Variants in SOX6 observed in about 807,000 individuals in gnomAD.
The protein encoded by SOX6 is SRY-box transcription factor 6, also known as transcription factor SOX-6.
In SOX6, 11 loss-of-function variants were observed where a neutral mutation model predicts 97.8. That is an observed-to-expected ratio of 0.11 (90% CI 0.07 to 0.19). The LOEUF (loss-of-function observed/expected upper bound fraction) is 0.19, where lower values mean the gene tolerates loss of function less well. Among genes scored for constraint, SOX6 ranks in the 10% least tolerant of loss-of-function variants. The pLI is 1.00. For synonymous variants in SOX6, 360 were observed against 371.4 expected (o/e 0.97, Z 0.35); for missense variants, 810 against 1,039.5 (o/e 0.78, Z 3.04).
chr11:16,333,105 T>C (rs772434861), intron 2 of SOX6, among the ~76,000 whole-genome samples: 2 of 152,162 alleles, frequency 1.3e-5, no homozygotes, highest in Non-Finnish European at 2.9e-5. Context: ...GGATTCATTA[T>C]ATTAAAGTTG....
At chr11:16,541,911 C>A (rs994345612) in intron 4 of SOX6, among the ~76,000 whole-genome samples, 3 of 152,172 alleles carry the variant, frequency 2.0e-5, no homozygotes, top group Non-Finnish European at 4.4e-5. Flanking sequence ...TGTGACGATT[C>A]CTCAAGGATC....
chr11:16,420,688 G>A (rs1466666798), intron 1 of SOX6, among the ~76,000 whole-genome samples: 1 of 152,134 alleles, frequency 6.6e-6, no homozygotes, highest in Non-Finnish European at 1.5e-5. Context: ...ACTAAGTTGG[G>A]TGAAAACTTA....
intron 3 of SOX6, chr11:16,646,359 TTG>T (rs1399431755): frequency 3.9e-5 from 6 of 152,178 alleles, no homozygotes; most frequent in Admixed American, 3.9e-4. Flanking sequence ...ATATAATATG[TTG>T]TGTTTATTCT....
At chr11:16,145,573 A>G (rs1389413185) in intron 6 of SOX6, among the ~76,000 whole-genome samples, 1 of 152,224 alleles carries the variant, frequency 6.6e-6, no homozygotes, top group African/African-American at 2.4e-5. Context: ...GTCTGTTTGT[A>G]GATGACCTGA....
At chr11:16,601,480 T>C (rs567254918) in intron 4 of SOX6, among the ~76,000 whole-genome samples, 1 of 152,314 alleles carries the variant, frequency 6.6e-6, no homozygotes, top group Non-Finnish European at 1.5e-5. Context: ...TACTATTCTA[T>C]ACTTTCATAG....
intron 12 of SOX6, among the ~76,000 whole-genome samples, chr11:16,039,091 T>A (rs75342145): frequency 6.6e-6 from 1 of 152,116 alleles, no homozygotes; most frequent in Non-Finnish European, 1.5e-5. Context: ...TAGGTAAATA[T>A]GTATGACAAG....
intron 4 of SOX6, among the ~76,000 whole-genome samples, chr11:16,584,618 G>T (rs1197543175): frequency 6.6e-6 from 1 of 152,140 alleles, no homozygotes; most frequent in Non-Finnish European, 1.5e-5. Context: ...GCAAACCTGG[G>T]TTCAACTCCT....
chr11:16,098,676 A>C (rs865789606), intron 7 of SOX6, among the ~76,000 whole-genome samples: 3 of 152,008 alleles, frequency 2.0e-5, no homozygotes, highest in South Asian at 2.1e-4. Context: ...ATTTAAAGTC[A>C]GCGTTATGTA....
intron 6 of SOX6, among the ~76,000 whole-genome samples, chr11:16,145,302 C>G (rs1218640017): frequency 2.0e-5 from 3 of 152,198 alleles, no homozygotes; most frequent in South Asian, 2.1e-4. Context: ...ATTCAACAGC[C>G]CTTCATGCTA....
At chr11:16,470,913 T>C (rs923619074) in intron 1 of SOX6, among the ~76,000 whole-genome samples, 5 of 152,126 alleles carry the variant, frequency 3.3e-5, no homozygotes, top group African/African-American at 1.2e-4. Context: ...AGTTAGGCAA[T>C]AATCACTTTT....
At chr11:16,738,394 T>C (rs778829292) in intron 1 of SOX6, 2 of 273,296 alleles carry the variant, frequency 7.3e-6, no homozygotes, top group East Asian at 1.5e-4. Flanking sequence ...AGCCTCCTCC[T>C]GTGGCGACAA....
intron 4 of SOX6, among the ~76,000 whole-genome samples, chr11:16,521,245 G>A (rs910328318): frequency 3.9e-5 from 6 of 152,088 alleles, no homozygotes; most frequent in East Asian, 1.9e-4. Context: ...AGGGGCAGAC[G>A]GACACCTCAC....
At chr11:16,030,559 T>C (rs897738130) in intron 12 of SOX6, among the ~76,000 whole-genome samples, 3 of 152,122 alleles carry the variant, frequency 2.0e-5, no homozygotes, top group African/African-American at 4.8e-5. Context: ...CCTTTTAAAA[T>C]TATATAAACT....
At chr11:16,650,492 C>T (rs1478882020) in intron 3 of SOX6, among the ~76,000 whole-genome samples, 1 of 152,024 alleles carries the variant, frequency 6.6e-6, no homozygotes, top group Non-Finnish European at 1.5e-5. Flanking sequence ...ACCACCCAAA[C>T]ACATGGATAT....
At chr11:16,651,111 T>C (rs1295976628) in intron 3 of SOX6, among the ~76,000 whole-genome samples, 6 of 151,618 alleles carry the variant, frequency 4.0e-5, no homozygotes, top group Non-Finnish European at 7.4e-5. Context: ...AACAGCGAGA[T>C]TAAAAGAGTA....
At chr11:16,032,981 G>A (rs1291311103) in intron 12 of SOX6, among the ~76,000 whole-genome samples, 5 of 152,052 alleles carry the variant, frequency 3.3e-5, no homozygotes, top group African/African-American at 7.3e-5. Flanking sequence ...TTAGCCTTAC[G>A]ACACTTTTCA....
At chr11:16,685,765 G>A (rs1315269219) in intron 3 of SOX6, among the ~76,000 whole-genome samples, 1 of 152,238 alleles carries the variant, frequency 6.6e-6, no homozygotes, top group Non-Finnish European at 1.5e-5. Flanking sequence ...GCCCCAGTAG[G>A]GACTCTGTGT....
rs569207606 is a variant in SOX6 at position 16,713,105 on chromosome 11, T to C, written n.429+1725A>G. On this transcript the variant is annotated intron_variant and non_coding_transcript_variant, in intron 3 of 5. Coordinates refer to the SOX6 transcript ENST00000524520. ...TGACAGAGCCACAGTGACCCCAGAC[T>C]TTCTGATTTCTGAATCAGATTTTTT... is the stretch of plus-strand genomic sequence containing the variant. 2.0e-5 allele frequency among the ~76,000 whole-genome samples: 3 copies of C among 152,316 alleles called. No individual in the cohort carries two copies. In the South Asian group the frequency reaches 6.2e-4, roughly 32 times the overall value.
chr11:16,638,109 A>G (rs1211439610), intron 3 of SOX6, among the ~76,000 whole-genome samples: 1 of 133,416 alleles, frequency 7.5e-6, no homozygotes, highest in African/African-American at 2.8e-5. Context: ...CCTGTGTCCA[A>G]GTGTTCTCAT....
Sources: gnomAD v4.1 joint callset for allele counts (sites outside exome capture counted in the v4.1 genomes callset) on GRCh38, gnomAD v4.1.1 for gene constraint, MANE v1.5 for transcripts, NCBI Gene and HGNC (gene_info 2026-07-23, HGNC 2026-07-21) for gene names.